The following NRG3 variants were observed in gnomAD, a reference collection of about 807,000 sequenced individuals.
NRG3 encodes the protein pro-neuregulin-3, membrane-bound isoform.
Under a neutral mutation model 66.9 loss-of-function variants are expected in NRG3, and 31 were observed. The observed-to-expected ratio is 0.46, with a 90% CI of 0.35 to 0.63. The LOEUF is 0.63. Ranked by LOEUF, NRG3 falls within the 20% of genes least tolerant of loss-of-function variation. NRG3 has a pLI of 0.00. For synonymous variants in NRG3, 393 were observed against 359.4 expected, an observed-to-expected ratio of 1.09 and a Z score of -1.06; for missense variants, 910 against 878.9, an observed-to-expected ratio of 1.04 and a Z score of -0.45.
chr10:82,666,473 A>G (rs1056442192), intron 2 of NRG3, among the ~76,000 whole-genome samples: 1 of 152,150 alleles, frequency 6.6e-6, no homozygotes, highest in African/African-American at 2.4e-5. Flanking sequence ...CCATAGTCTG[A>G]AATCCTCAGC....
chr10:82,073,729 G>T (rs895918556), intron 1 of NRG3, among the ~76,000 whole-genome samples: 2 of 152,166 alleles, frequency 1.3e-5, no homozygotes, highest in East Asian at 3.9e-4. Flanking sequence ...TACTTAGAAC[G>T]CTGTAATTAA....
At chr10:82,969,638 T>C (rs2132545584) in intron 6 of NRG3, among the ~76,000 whole-genome samples, 1 of 152,348 alleles carries the variant, frequency 6.6e-6, no homozygotes, top group South Asian at 2.1e-4. Context: ...GTTTTGGAAG[T>C]TATTGAAAAT....
intron 4 of NRG3, among the ~76,000 whole-genome samples, chr10:82,948,390 T>G (rs917208132): frequency 6.6e-6 from 1 of 152,120 alleles, no homozygotes; most frequent in Non-Finnish European, 1.5e-5. Context: ...GGAACGTTGT[T>G]TTGGCTACTG....
chr10:82,571,709 A>G (rs2045746611), intron 2 of NRG3, among the ~76,000 whole-genome samples: 1 of 151,780 alleles, frequency 6.6e-6, no homozygotes, highest in South Asian at 2.1e-4. Context: ...AAAGAAAAGT[A>G]TGAAGCAGAT....
intron 2 of NRG3, among the ~76,000 whole-genome samples, chr10:82,584,917 G>A (rs964511991): frequency 6.6e-6 from 1 of 150,888 alleles, no homozygotes; most frequent in African/African-American, 2.4e-5. Flanking sequence ...GTTGGCACAG[G>A]GTTTTAAATG....
At position 81,978,692 on chromosome 10, in the gene NRG3, C is replaced by CAT. The variant is rs149096399; in HGVS notation, c.823+102542_823+102543dup. Among the ~76,000 whole-genome samples the CAT allele has an allele frequency of 7.0e-3, 1,059 of 151,166 alleles. 6 individuals are homozygous for CAT. The highest frequency in any genetic ancestry group is 0.023 in the African/African-American group (935 of 41,252). On this transcript the variant is annotated intron_variant, in intron 1 of 8. Transcript: ENST00000372141. Reference sequence around the variant, plus strand: ...TCTTATTTTCGTAAACTCTTAATATCATATATATATATATTTGCATCTTTC... The same window carrying CAT: ...TCTTATTTTCGTAAACTCTTAATATCATATATATATATATATTTGCATCTTTC...
At chr10:82,508,222 A>G (rs927433677) in intron 2 of NRG3, among the ~76,000 whole-genome samples, 1 of 152,200 alleles carries the variant, frequency 6.6e-6, no homozygotes, top group Non-Finnish European at 1.5e-5. Context: ...CATGGAATGC[A>G]TTGTTTTCAT....
intron 3 of NRG3, among the ~76,000 whole-genome samples, chr10:82,774,455 G>C (rs1164292202): frequency 1.3e-5 from 2 of 151,864 alleles, no homozygotes; most frequent in African/African-American, 4.8e-5. Context: ...TTGTATTATT[G>C]GTTTGTTTAA....
chr10:82,424,279 G>T (rs1302609205), intron 2 of NRG3, among the ~76,000 whole-genome samples: 1 of 151,876 alleles, frequency 6.6e-6, no homozygotes, highest in African/African-American at 2.4e-5. Context: ...AAATGTGAGG[G>T]GACCAATTTC....
chr10:82,136,079 G>A lies in NRG3; in HGVS notation c.824-222660G>A, dbSNP rs1180782197. 2.0e-5 allele frequency among the ~76,000 whole-genome samples: 3 copies of A among 152,168 alleles called. No individual in the cohort carries two copies. The East Asian group carries it at 5.8e-4, about 29-fold the overall frequency. ...AGCATTAGGGGACACACCAAGCCCA[G>A]TAACACTGACTTGCAGATTCACAGA... On this transcript the variant is annotated intron_variant, in intron 1 of 8. Coordinates refer to ENST00000372141, the MANE Select transcript of NRG3 (RefSeq NM_001010848.4).
chr10:82,446,119 C>T (rs2090707794), intron 2 of NRG3, among the ~76,000 whole-genome samples: 1 of 152,140 alleles, frequency 6.6e-6, no homozygotes, highest in African/African-American at 2.4e-5. Flanking sequence ...GTCAGAATAT[C>T]CAAGGAAACT....
At position 82,620,151 on chromosome 10, in the gene NRG3, A is replaced by G. The variant is rs147303065; in HGVS notation, c.954-118426A>G. Among the ~76,000 whole-genome samples the G allele has an allele frequency of 1.8e-3, 268 of 152,176 alleles. 2 individuals are homozygous for G. The highest frequency in any genetic ancestry group is 5.9e-3 in the African/African-American group (247 of 41,540). ...CCCAAAGCCCCAGAGGGCATATTACAATGCTCTCTTAGCTCCACCGTCTGT... is the reference window on the plus strand; with the variant it reads ...CCCAAAGCCCCAGAGGGCATATTACGATGCTCTCTTAGCTCCACCGTCTGT... On this transcript the variant is annotated intron_variant, in intron 2 of 8. Coordinates refer to ENST00000372141, the MANE Select transcript of NRG3 (RefSeq NM_001010848.4).
At chr10:82,004,006 C>T (rs931933004) in intron 1 of NRG3, among the ~76,000 whole-genome samples, 1 of 149,990 alleles carries the variant, frequency 6.7e-6, no homozygotes, top group Non-Finnish European at 1.5e-5. Flanking sequence ...CACACACACA[C>T]ACACACACAC....
At chr10:81,969,628 G>A (rs1296446673) in intron 1 of NRG3, among the ~76,000 whole-genome samples, 6 of 152,290 alleles carry the variant, frequency 3.9e-5, no homozygotes, top group Admixed American at 6.5e-5. Context: ...TACCTTTCCC[G>A]TCACCAGTTC....
intron 1 of NRG3, among the ~76,000 whole-genome samples, chr10:82,136,863 C>T (rs144684086): frequency 1.4e-4 from 22 of 152,276 alleles, no homozygotes; most frequent in Non-Finnish European, 2.8e-4. Context: ...AGTTCTAATG[C>T]GAAGTCTCAC....
chr10:82,807,423 A>G (rs1360545735), intron 3 of NRG3, among the ~76,000 whole-genome samples: 1 of 152,170 alleles, frequency 6.6e-6, no homozygotes, highest in Non-Finnish European at 1.5e-5. Flanking sequence ...ATTACCTTGC[A>G]ACGGGGTGTG....
chr10:82,057,745 G>A (rs1422731957), intron 1 of NRG3, among the ~76,000 whole-genome samples: 2 of 151,894 alleles, frequency 1.3e-5, no homozygotes, highest in South Asian at 2.1e-4. Flanking sequence ...GTCCTTCTTC[G>A]TATCTACTTT....
At chr10:82,804,009 C>T (rs1226431547) in intron 3 of NRG3, among the ~76,000 whole-genome samples, 1 of 152,092 alleles carries the variant, frequency 6.6e-6, no homozygotes, top group African/African-American at 2.4e-5. Flanking sequence ...TCCCTTTGTC[C>T]AGCACATCCG....
intron 1 of NRG3, among the ~76,000 whole-genome samples, chr10:81,975,638 G>T (rs2060097818): frequency 6.6e-6 from 1 of 152,124 alleles, no homozygotes; most frequent in African/African-American, 2.4e-5. Context: ...TTGTGGATCA[G>T]TGTACAGCAG....
Sources: allele counts gnomAD v4.1 joint callset (sites outside exome capture counted in the v4.1 genomes callset), GRCh38; gene constraint gnomAD v4.1.1; transcripts MANE v1.5; gene names NCBI Gene and HGNC (gene_info 2026-07-23, HGNC 2026-07-21).